Variants in MSTO1 observed in about 807,000 individuals in gnomAD.
MSTO1 encodes misato mitochondrial distribution and morphology regulator 1, also known as protein misato homolog 1.
In MSTO1, 24 loss-of-function variants were observed where a neutral mutation model predicts 55.7. The ratio of observed to expected loss-of-function variants is 0.43; its 90% CI spans 0.31 to 0.61. The LOEUF is 0.61. Ranked by LOEUF, MSTO1 falls within the 20% of genes least tolerant of loss-of-function variation. MSTO1 has a pLI of 0.09. For synonymous variants in MSTO1, 162 were observed against 252.8 expected, an observed-to-expected ratio of 0.64 and a Z score of 3.41; for missense variants, 363 against 625.7, an observed-to-expected ratio of 0.58 and a Z score of 4.48.
At chr1:155,574,953 A>G in the MSTO1 span, among the ~76,000 whole-genome samples, 1 of 134,728 alleles carries the variant, frequency 7.4e-6, no homozygotes, top group South Asian at 2.3e-4. Context: ...TGCAACCTCC[A>G]CCTCCCGGGT....
At chr1:155,604,752 G>A in the MSTO1 span, among the ~76,000 whole-genome samples, 150 of 152,242 alleles carry the variant, frequency 9.9e-4, no homozygotes, top group African/African-American at 3.4e-3. Flanking sequence ...GTGCACGCCT[G>A]TAGTCCCAGC....
At chr1:155,608,631 C>CT (rs1673068182), upstream of MSTO1, among the ~76,000 whole-genome samples, 1 of 150,550 alleles carries the variant, frequency 6.6e-6, no homozygotes, top group Non-Finnish European at 1.5e-5. Context: ...TCCCAAGTAG[C>CT]TGGGACTACA....
At chr1:155,613,401 G>T (rs756373346) in intron 11 of MSTO1, 61 bp from the exon 12 acceptor site, 1 of 1,607,580 alleles carries the variant, frequency 6.2e-7, no homozygotes, top group African/African-American at 1.3e-5. Context: ...GAGAACATAA[G>T]AATTCTGTTT....
At chr1:155,574,221 A>C in the MSTO1 span, among the ~76,000 whole-genome samples, 2 of 152,266 alleles carry the variant, frequency 1.3e-5, no homozygotes, top group African/African-American at 4.8e-5. Flanking sequence ...AGCCAAGTGT[A>C]GTGGCATATG....
At chr1:155,565,828 C>G in the MSTO1 span, among the ~76,000 whole-genome samples, 6,713 of 152,256 alleles carry the variant, frequency 0.044, 186 homozygotes, top group Middle Eastern at 0.082. Context: ...ATAAAATGAC[C>G]TCACTGAATG....
the MSTO1 span, among the ~76,000 whole-genome samples, chr1:155,578,077 A>G: frequency 1.3e-5 from 2 of 152,050 alleles, no homozygotes. Context: ...GATTGCTGGG[A>G]TTTTGATAGT....
At chr1:155,593,988 C>T in the MSTO1 span, among the ~76,000 whole-genome samples, 1 of 151,224 alleles carries the variant, frequency 6.6e-6, no homozygotes, top group East Asian at 2.0e-4. Context: ...AAATGCCATG[C>T]AATGTAAAGA....
chr1:155,590,207 TG>T, the MSTO1 span, among the ~76,000 whole-genome samples: 2 of 152,000 alleles, frequency 1.3e-5, no homozygotes, highest in African/African-American at 4.8e-5. Context: ...CTGAGTACGA[TG>T]GGGGGCAGCT....
At chr1:155,590,920 G>A in the MSTO1 span, 120 of 1,613,330 alleles carry the variant, frequency 7.4e-5, no homozygotes, top group Non-Finnish European at 1.0e-4. Flanking sequence ...CACCAGGCGG[G>A]CCTTGGAATC....
At chr1:155,578,652 A>T in the MSTO1 span, among the ~76,000 whole-genome samples, 1 of 150,364 alleles carries the variant, frequency 6.7e-6, no homozygotes, top group African/African-American at 2.4e-5. Context: ...CTGGGACTAC[A>T]GGCGCCCGCC....
chr1:155,594,628 T>TC, the MSTO1 span, among the ~76,000 whole-genome samples: 1 of 146,052 alleles, frequency 6.8e-6, no homozygotes, highest in Non-Finnish European at 1.5e-5. Context: ...TCTCTCTCTC[T>TC]TTTTTTTTTA....
At position 155,612,991 on chromosome 1, in the gene MSTO1, A is replaced by G. The variant is rs775629978; in HGVS notation, c.1098+16A>G. ...TGGGAAAAAGGTATGAAGCTTTGTAAGGGGTTGGGTCAGTGCTGAGAAAAT... is the reference window on the plus strand; with the variant it reads ...TGGGAAAAAGGTATGAAGCTTTGTAGGGGGTTGGGTCAGTGCTGAGAAAAT... On this transcript the variant is annotated intron_variant, in intron 10 of 13. Transcript: ENST00000245564. 1.9e-6 allele frequency: 3 copies of G among 1,613,952 alleles called. No individual in the cohort carries two copies. The highest frequency in any genetic ancestry group is 3.3e-5 in the Admixed American group (2 of 60,018).
chr1:155,568,423 T>C, the MSTO1 span, among the ~76,000 whole-genome samples: 8 of 150,770 alleles, frequency 5.3e-5, no homozygotes, highest in Non-Finnish European at 1.0e-4. Context: ...GATTTTTGTT[T>C]GGGTACAGGT....
chr1:155,564,648 A>G, the MSTO1 span, among the ~76,000 whole-genome samples: 1 of 152,056 alleles, frequency 6.6e-6, no homozygotes, highest in Non-Finnish European at 1.5e-5. Context: ...CTCATTGTAT[A>G]TTTTCCTAAC....
the MSTO1 span, among the ~76,000 whole-genome samples, chr1:155,578,488 G>A: frequency 2.7e-5 from 4 of 147,204 alleles, no homozygotes; most frequent in East Asian, 4.0e-4. Flanking sequence ...ACAGGCATGC[G>A]CCACCACGCC....
the MSTO1 span, among the ~76,000 whole-genome samples, chr1:155,602,906 G>A: frequency 2.0e-5 from 3 of 152,230 alleles, no homozygotes; most frequent in Non-Finnish European, 4.4e-5. Flanking sequence ...TTACCCTGGT[G>A]ATTCTTGGAT....
chr1:155,610,403 C>G, intron 1 of MSTO1, 22 bp from the exon 2 acceptor site: 1 of 831,628 alleles, frequency 1.2e-6, no homozygotes, highest in Non-Finnish European at 1.9e-6. Context: ...GCCGGCCTGC[C>G]TCGTCCTCTC....
In MSTO1 at chr1:155,612,837, C is replaced by A; in HGVS notation, c.967-7C>A. On this transcript the variant is annotated splice_region_variant and splice_polypyrimidine_tract_variant and intron_variant, in intron 9 of 13. Transcript: ENST00000245564. Reference sequence around the variant, plus strand: ...GGCCAAGTGCCCATCTTGGTGTCTTCTTACAGGCCACTCTGCCCTTCCACT... The same window carrying A: ...GGCCAAGTGCCCATCTTGGTGTCTTATTACAGGCCACTCTGCCCTTCCACT... 1 of 1,613,784 alleles carries A rather than the reference C, an allele frequency of 6.2e-7. No homozygotes were observed. The highest frequency in any genetic ancestry group is 2.2e-5 in the East Asian group (1 of 44,882).
At chr1:155,586,635 CTTT>C in the MSTO1 span, 1 of 406,932 alleles carries the variant, frequency 2.5e-6, no homozygotes. Flanking sequence ...TTACCTTTCA[CTTT>C]TTTTTTTTAA....
Sources: allele counts gnomAD v4.1 joint callset (sites outside exome capture counted in the v4.1 genomes callset), GRCh38; gene constraint gnomAD v4.1.1; transcripts MANE v1.5; gene names NCBI Gene and HGNC (gene_info 2026-07-23, HGNC 2026-07-21).